The following ARHGEF28 variants were observed in gnomAD, a reference collection of about 807,000 sequenced individuals.
ARHGEF28 encodes Rho guanine nucleotide exchange factor 28.
Under a neutral mutation model 206.6 loss-of-function variants are expected in ARHGEF28, and 152 were observed. The ratio of observed to expected loss-of-function variants is 0.74; its 90% CI spans 0.64 to 0.84. The LOEUF is 0.84. Among genes scored for constraint, ARHGEF28 ranks in the 40% least tolerant of loss-of-function variants. ARHGEF28 has a pLI of 0.00. For synonymous variants in ARHGEF28, 763 were observed against 776.4 expected, an observed-to-expected ratio of 0.98 and a Z score of 0.29; for missense variants, 2,028 against 2,073.2, an observed-to-expected ratio of 0.98 and a Z score of 0.42.
At chr5:73,698,468 C>A (rs1323835085) in intron 2 of ARHGEF28, among the ~76,000 whole-genome samples, 1 of 152,108 alleles carries the variant, frequency 6.6e-6, no homozygotes, top group Non-Finnish European at 1.5e-5. Flanking sequence ...AAGTCTCTTG[C>A]TACTGCAGAT....
At position 73,904,410 on chromosome 5, in the gene ARHGEF28, C is replaced by T; in HGVS notation, c.4161+5C>T. The T allele has an allele frequency of 1.2e-6, 2 of 1,606,496 alleles. No individual in the cohort carries two copies. The highest frequency in any genetic ancestry group is 2.2e-5 in the East Asian group (1 of 44,824). ...CGTCTCTTATACAGCCTTCAGGTAA[C>T]TATCCTCCTCTAATCTTTGACCTTG... On this transcript the variant is annotated splice_donor_5th_base_variant and intron_variant, in intron 33 of 35. Transcript: ENST00000513042.
chr5:73,764,602 G>A (rs1258864381), intron 4 of ARHGEF28, among the ~76,000 whole-genome samples: 6 of 152,116 alleles, frequency 3.9e-5, no homozygotes, highest in Non-Finnish European at 8.8e-5. Flanking sequence ...TGAGTGTCTC[G>A]ACTGTGCTGA....
intron 13 of ARHGEF28, among the ~76,000 whole-genome samples, chr5:73,851,222 A>G (rs1758678905): frequency 6.6e-6 from 1 of 152,156 alleles, no homozygotes; most frequent in African/African-American, 2.4e-5. Context: ...GAATAGTCCT[A>G]AAAATTTTCA....
rs1758352383 is a variant in ARHGEF28, at chr5:73,846,285, T to G, written c.1445T>G (p.Leu482Trp). Residue 482 changes from leucine to tryptophan, a missense_variant, in exon 12 of 36, where the codon TTG (leucine) becomes TGG (tryptophan). Transcript: ENST00000513042. ...TGCTTTAGTTCTAGCCTTGATGCCT[T>G]GGACGCCGACAGTGAAGGGGAAGGG... Reference protein sequence around the residue: ...LKKRSSSLDALDADSEGEGHS... With the variant: ...LKKRSSSLDAWDADSEGEGHS... 3.7e-6 allele frequency: 6 copies of G among 1,613,574 alleles called. No homozygotes were observed. Among genetic ancestry groups the G allele is most frequent in the Non-Finnish European group, 5.1e-6 (6 of 1,179,702 alleles).
intron 35 of ARHGEF28, among the ~76,000 whole-genome samples, chr5:73,926,275 A>G (rs1281768196): frequency 6.6e-6 from 1 of 152,224 alleles, no homozygotes; most frequent in East Asian, 1.9e-4. Context: ...GGCTGATTAT[A>G]GGCAGGCAAA....
At chr5:73,770,218 C>G (rs1753146411) in intron 4 of ARHGEF28, among the ~76,000 whole-genome samples, 2 of 152,186 alleles carry the variant, frequency 1.3e-5, no homozygotes, top group African/African-American at 4.8e-5. Flanking sequence ...GGATTGAATA[C>G]TCTTAGGAAC....
At chr5:73,740,705 G>A (rs1219706961) in intron 2 of ARHGEF28, among the ~76,000 whole-genome samples, 12 of 151,986 alleles carry the variant, frequency 7.9e-5, no homozygotes, top group African/African-American at 2.9e-4. Context: ...GCATCCCTTT[G>A]GCATCCTTGT....
chr5:73,809,371 G>A (rs1755704201), intron 9 of ARHGEF28, among the ~76,000 whole-genome samples: 1 of 152,178 alleles, frequency 6.6e-6, no homozygotes, highest in Admixed American at 6.5e-5. Flanking sequence ...ACCCTTTAAA[G>A]TATAGATATG....
chr5:73,905,611 A>G (rs1762506988), intron 33 of ARHGEF28, among the ~76,000 whole-genome samples: 1 of 152,192 alleles, frequency 6.6e-6, no homozygotes, highest in Non-Finnish European at 1.5e-5. Context: ...CTTCTGTAAC[A>G]TGTAACTTTC....
At chr5:73,756,569 C>G (rs1344211570) in intron 4 of ARHGEF28, among the ~76,000 whole-genome samples, 1 of 152,154 alleles carries the variant, frequency 6.6e-6, no homozygotes, top group Non-Finnish European at 1.5e-5. Flanking sequence ...AGATTTGATT[C>G]AGCCCACCAT....
At chr5:73,926,019 G>A (rs1420217189) in intron 35 of ARHGEF28, among the ~76,000 whole-genome samples, 1 of 152,182 alleles carries the variant, frequency 6.6e-6, no homozygotes, top group African/African-American at 2.4e-5. Flanking sequence ...CTGTGCAACA[G>A]CTTTATACTG....
At chr5:73,680,116 C>T (rs897317383) in intron 1 of ARHGEF28, among the ~76,000 whole-genome samples, 21 of 151,952 alleles carry the variant, frequency 1.4e-4, no homozygotes, top group African/African-American at 4.6e-4. Flanking sequence ...GAACAGTTTT[C>T]GATAGAACAC....
intron 2 of ARHGEF28, among the ~76,000 whole-genome samples, chr5:73,686,524 T>A (rs116041797): frequency 1.6e-4 from 24 of 150,718 alleles, no homozygotes; most frequent in African/African-American, 5.8e-4. Context: ...TCTTTTCTTT[T>A]TTTTTTTTTT....
intron 35 of ARHGEF28, among the ~76,000 whole-genome samples, chr5:73,920,688 C>A (rs1348770976): frequency 6.6e-6 from 1 of 151,568 alleles, no homozygotes; most frequent in African/African-American, 2.4e-5. Context: ...AGGTTTTAAG[C>A]CCCTCATGCA....
At chr5:73,764,097 C>T (rs916732981) in intron 4 of ARHGEF28, among the ~76,000 whole-genome samples, 2 of 152,166 alleles carry the variant, frequency 1.3e-5, no homozygotes, top group Admixed American at 1.3e-4. Flanking sequence ...TTCATTACAG[C>T]CCCCTGGCAA....
In ARHGEF28 at chr5:73,897,784, G is replaced by C. The variant is rs539702786; in HGVS notation, c.3842-178G>C. The stretch of plus-strand genomic sequence containing the variant: ...TCTGGGGTGTGTGTGTGTGGTGTGC[G>C]CGCGTGCGTAGGCACATGCCCATGT... On this transcript the variant is annotated intron_variant, in intron 29 of 35. Transcript: ENST00000513042. Among the ~76,000 whole-genome samples the C allele has an allele frequency of 9.2e-5, 14 of 152,284 alleles. No individual in the cohort carries two copies. In the East Asian group the frequency reaches 9.6e-4, roughly 10 times the overall value.
intron 2 of ARHGEF28, among the ~76,000 whole-genome samples, chr5:73,703,839 A>G (rs1316894210): frequency 6.6e-6 from 1 of 151,884 alleles, no homozygotes; most frequent in Admixed American, 6.6e-5. Flanking sequence ...AGTTTGAGAC[A>G]AGCCTGGACA....
intron 30 of ARHGEF28, chr5:73,899,764 G>A (rs1219969450): frequency 6.6e-6 from 1 of 152,204 alleles, no homozygotes; most frequent in Non-Finnish European, 1.5e-5. Flanking sequence ...TCTATTTTCA[G>A]TCTTCAGTAT....
At chr5:73,915,507 G>C (rs1580096679) in intron 35 of ARHGEF28, among the ~76,000 whole-genome samples, 2 of 152,108 alleles carry the variant, frequency 1.3e-5, no homozygotes, top group East Asian at 3.9e-4. Context: ...AACTTTTTCT[G>C]TACTCCTCTA....
Sources: gnomAD v4.1 joint callset for allele counts (sites outside exome capture counted in the v4.1 genomes callset) on GRCh38, gnomAD v4.1.1 for gene constraint, MANE v1.5 for transcripts, NCBI Gene and HGNC (gene_info 2026-07-23, HGNC 2026-07-21) for gene names.